Variants in FERMT1 observed in about 807,000 individuals in gnomAD.
FERMT1 encodes the protein fermitin family homolog 1.
In FERMT1, 60 loss-of-function variants were observed where a neutral mutation model predicts 85.3. That is an observed-to-expected ratio of 0.70 (90% CI 0.57 to 0.87). The LOEUF (loss-of-function observed/expected upper bound fraction) is 0.87, where lower values mean the gene tolerates loss of function less well. Among genes scored for constraint, FERMT1 ranks in the 40% least tolerant of loss-of-function variants. The pLI, the probability that FERMT1 is intolerant of heterozygous loss-of-function variation, is 0.00. For synonymous variants in FERMT1, 275 were observed against 301.1 expected (o/e 0.91, Z 0.90); for missense variants, 701 against 818.9 (o/e 0.86, Z 1.76).
intron 2 of FERMT1, among the ~76,000 whole-genome samples, chr20:6,117,858 C>T (rs1292890248): frequency 4.5e-4 from 61 of 135,654 alleles, no homozygotes; most frequent in African/African-American, 1.6e-3. Context: ...GATGGGGTTT[C>T]ACCATGTTGG....
Position 6,107,576 on chromosome 20 carries a change from G to A in FERMT1, c.805C>T (p.Leu269Phe), listed in dbSNP as rs1982833525. 1 of 1,613,064 alleles carries A rather than the reference G, an allele frequency of 6.2e-7. No individual in the cohort carries two copies. Among genetic ancestry groups the A allele is most frequent in the African/African-American group, 1.3e-5 (1 of 74,916 alleles). Reference protein sequence around the residue: ...EQGIQEDEQLLLRFKYYSFFD... With the variant: ...EQGIQEDEQLFLRFKYYSFFD... Reference sequence around the variant, plus strand: ...AAAGAATAATATTTAAATCGTAAGAGCAGCTGCTCATCCTCTTGGATGCCT... The same window carrying A: ...AAAGAATAATATTTAAATCGTAAGAACAGCTGCTCATCCTCTTGGATGCCT... The change falls in exon 6 of 15, where the codon CTC (leucine) becomes TTC (phenylalanine). Residue 269 changes from leucine to phenylalanine, a missense_variant. Transcript: ENST00000217289.
chr20:6,077,082 A>G lies in FERMT1; in HGVS notation c.*91T>C. Reference sequence around the variant, plus strand: ...GTGAATGTATGTTGTCTGTTAGTCCAGAATCTACATGCTGGGCACGTTAGG... The same window carrying G: ...GTGAATGTATGTTGTCTGTTAGTCCGGAATCTACATGCTGGGCACGTTAGG... On this transcript the variant is annotated 3_prime_UTR_variant, in exon 15 of 15. Coordinates refer to ENST00000217289, the MANE Select transcript of FERMT1 (RefSeq NM_017671.5). 3.1e-6 allele frequency: 4 copies of G among 1,296,770 alleles called. No homozygotes were observed. Among genetic ancestry groups the G allele is most frequent in the Non-Finnish European group, 4.5e-6 (4 of 893,214 alleles). The allele number at this position is 1,296,770 out of a possible 1,614,324, so 80.3% of individuals were successfully genotyped here. A position where few individuals can be genotyped will look rare whatever the true frequency, so the allele number is the denominator to read the frequency against.
At chr20:6,086,612 T>C (rs1352787009) in intron 11 of FERMT1, among the ~76,000 whole-genome samples, 2 of 152,186 alleles carry the variant, frequency 1.3e-5, no homozygotes, top group Non-Finnish European at 2.9e-5. Context: ...ATTCCCAGTG[T>C]TGGGGGAGGG....
intron 6 of FERMT1, among the ~76,000 whole-genome samples, chr20:6,107,284 G>A (rs1982824469): frequency 6.6e-6 from 1 of 151,912 alleles, no homozygotes; most frequent in Admixed American, 6.6e-5. Flanking sequence ...GAGGGGGGCA[G>A]TGCATGCCAC....
At chr20:6,111,434 C>G (rs553532685) in intron 4 of FERMT1, among the ~76,000 whole-genome samples, 2 of 151,980 alleles carry the variant, frequency 1.3e-5, no homozygotes, top group East Asian at 3.9e-4. Flanking sequence ...GAGTTTGAGA[C>G]CAGCCTGGCC....
intron 6 of FERMT1, among the ~76,000 whole-genome samples, chr20:6,105,425 G>T (rs568537098): frequency 6.6e-6 from 1 of 152,216 alleles, no homozygotes; most frequent in South Asian, 2.1e-4. Flanking sequence ...TTCCTCTCAG[G>T]ATGCTAAACC....
intron 13 of FERMT1, among the ~76,000 whole-genome samples, chr20:6,083,801 A>C (rs937082070): frequency 6.6e-6 from 1 of 151,996 alleles, no homozygotes; most frequent in Non-Finnish European, 1.5e-5. Context: ...CCTAAAAAAA[A>C]CCCTCCTTTT....
chr20:6,091,294 A>G (rs775259470), intron 9 of FERMT1, among the ~76,000 whole-genome samples: 11 of 151,654 alleles, frequency 7.3e-5, no homozygotes, highest in Non-Finnish European at 1.6e-4. Context: ...CAGTGGCGCA[A>G]TCTTGTCTCA....
rs528775475 is a variant in FERMT1, at chr20:6,097,452, A to C, written c.957+72T>G. The C allele has an allele frequency of 5.8e-5, 59 of 1,012,308 alleles. No individual in the cohort carries two copies. In the East Asian group the frequency reaches 1.4e-3, roughly 23 times the overall value. The allele number at this position is 1,012,308 out of a possible 1,614,324, so 62.7% of individuals were successfully genotyped here. A position where few individuals can be genotyped will look rare whatever the true frequency, so the allele number is the denominator to read the frequency against. The stretch of plus-strand genomic sequence containing the variant: ...AAAGAACAAAAAAAAACCAGTATGA[A>C]GCATATGAAACTTCAAGCAGAACAA... On this transcript the variant is annotated intron_variant, in intron 7 of 14. Transcript: ENST00000217289.
At chr20:6,115,172 T>C (rs113144316) in intron 3 of FERMT1, among the ~76,000 whole-genome samples, 22 of 152,360 alleles carry the variant, frequency 1.4e-4, no homozygotes, top group African/African-American at 5.3e-4. Context: ...CCTATAATAC[T>C]TTCAAAAATT....
intron 1 of FERMT1, chr20:6,120,533 A>G (rs924271939): frequency 1.3e-5 from 2 of 152,234 alleles, no homozygotes; most frequent in Non-Finnish European, 2.9e-5. Flanking sequence ...ACAAAACTTG[A>G]GATGTCAGTT....
chr20:6,098,403 GA>G (rs1445400225), intron 6 of FERMT1, among the ~76,000 whole-genome samples: 4 of 151,944 alleles, frequency 2.6e-5, no homozygotes, highest in African/African-American at 4.8e-5. Flanking sequence ...ATATTGCCAA[GA>G]AATTGAAAAA....
intron 13 of FERMT1, among the ~76,000 whole-genome samples, chr20:6,080,558 G>A (rs537460462): frequency 8.9e-4 from 135 of 152,304 alleles, no homozygotes; most frequent in South Asian, 1.9e-3. Flanking sequence ...GGAACACCAA[G>A]CAGGATCACT....
At chr20:6,113,384 C>T (rs1210717524) in intron 3 of FERMT1, among the ~76,000 whole-genome samples, 4 of 152,218 alleles carry the variant, frequency 2.6e-5, no homozygotes, top group African/African-American at 9.7e-5. Flanking sequence ...CTCCCTCTCC[C>T]TTTCCTTTTT....
chr20:6,091,987 G>C (rs1443893741), intron 9 of FERMT1, among the ~76,000 whole-genome samples: 14 of 150,284 alleles, frequency 9.3e-5, no homozygotes, highest in African/African-American at 2.5e-4. Flanking sequence ...CCCAGACTGG[G>C]TGGAGTGCAG....
intron 11 of FERMT1, 63 bp from the exon 12 acceptor site, chr20:6,085,350 G>A (rs1982146386): frequency 6.8e-7 from 1 of 1,471,478 alleles, no homozygotes; most frequent in South Asian, 1.1e-5. Context: ...CACACAGAGG[G>A]GGACTTGGGC....
intron 3 of FERMT1, among the ~76,000 whole-genome samples, chr20:6,113,330 T>C (rs542622709): frequency 6.6e-6 from 1 of 152,178 alleles, no homozygotes; most frequent in East Asian, 1.9e-4. Flanking sequence ...CAGATATGTC[T>C]TTATCAGCAG....
chr20:6,106,675 T>C (rs1002056490), intron 6 of FERMT1, among the ~76,000 whole-genome samples: 3 of 152,178 alleles, frequency 2.0e-5, no homozygotes, highest in African/African-American at 7.2e-5. Context: ...CATTTGTTAT[T>C]CTAATAGACT....
Position 6,110,287 on chromosome 20 carries a change from C to T in FERMT1, c.746+11G>A, listed in dbSNP as rs370631532. 5.7e-5 allele frequency: 92 copies of T among 1,605,182 alleles called. No individual in the cohort carries two copies. Among genetic ancestry groups the T allele is most frequent in the Middle Eastern group, 4.3e-4 (2 of 4,630 alleles). On this transcript the variant is annotated intron_variant, in intron 5 of 14. Coordinates refer to ENST00000217289, the MANE Select transcript of FERMT1 (RefSeq NM_017671.5). ...TAGCTCAGAGAGAAGTAAAAGGAGC[C>T]GTGTCCTTACCCTGCATTGAGCTTG...
Sources: gnomAD v4.1 joint callset for allele counts (sites outside exome capture counted in the v4.1 genomes callset) on GRCh38, gnomAD v4.1.1 for gene constraint, MANE v1.5 for transcripts, NCBI Gene and HGNC (gene_info 2026-07-23, HGNC 2026-07-21) for gene names.